Variants in SENP7 observed in about 807,000 individuals in gnomAD.
SENP7 encodes SUMO specific peptidase 7.
A neutral mutation model predicts 141.2 loss-of-function variants in SENP7; 64 were observed. That is an observed-to-expected ratio of 0.45 (90% CI 0.37 to 0.56). The LOEUF (loss-of-function observed/expected upper bound fraction) is 0.56, where lower values mean the gene tolerates loss of function less well. Among genes scored for constraint, SENP7 ranks in the 20% least tolerant of loss-of-function variants. The pLI, the probability that SENP7 is intolerant of heterozygous loss-of-function variation, is 0.00. For missense variants in SENP7, 1,025 were observed against 1,212.2 expected, an observed-to-expected ratio of 0.85 and a Z score of 2.29; for synonymous variants, 382 against 426.4, an observed-to-expected ratio of 0.90 and a Z score of 1.28.
At chr3:101,475,012 G>A (rs2064158648) in intron 3 of SENP7, among the ~76,000 whole-genome samples, 1 of 152,166 alleles carries the variant, frequency 6.6e-6, no homozygotes, top group African/African-American at 2.4e-5. Flanking sequence ...AAGTGAAAGT[G>A]AAGGGATGTG....
At chr3:101,427,719 T>C (rs1368154249) in intron 4 of SENP7, among the ~76,000 whole-genome samples, 1 of 152,138 alleles carries the variant, frequency 6.6e-6, no homozygotes, top group African/African-American at 2.4e-5. Flanking sequence ...TATTATACTT[T>C]AAGTTCTGGG....
Position 101,343,866 on chromosome 3 carries a change from T to C in SENP7, c.1926A>G (p.Ile642Met). 1.2e-6 allele frequency: 2 copies of C among 1,613,490 alleles called. No individual in the cohort carries two copies. The highest frequency in any genetic ancestry group is 8.5e-7 in the Non-Finnish European group (1 of 1,179,552). The change falls in exon 14 of 24, where the codon ATA becomes ATG. Residue 642 changes from isoleucine (I) to methionine (M), a missense_variant. By Grantham distance (10) the Ile-to-Met change is conservative. Coordinates refer to ENST00000394095, the MANE Select transcript of SENP7 (RefSeq NM_020654.5). ...ELKLKDIMTE[I>M]SIISGELELS... ...GCTCTAATTCTCCACTGATTATACT[T>C]ATTTCCGTCATAATATCTTTCAGCT...
chr3:101,394,285 T>C lies in SENP7; in HGVS notation c.677+4576A>G, dbSNP rs9882920. Reference sequence around the variant, plus strand: ...TGCTGCACATGACAGGATTTCATTCTTTTTTATGGCTGAATGGTATTCCAT... The same window carrying C: ...TGCTGCACATGACAGGATTTCATTCCTTTTTATGGCTGAATGGTATTCCAT... On this transcript the variant is annotated intron_variant, in intron 6 of 23. Coordinates refer to ENST00000394095, the MANE Select transcript of SENP7 (RefSeq NM_020654.5). Among the ~76,000 whole-genome samples the C allele has an allele frequency of 9.6e-3, 1,460 of 152,098 alleles. 23 individuals are homozygous for C. Among genetic ancestry groups the C allele is most frequent in the African/African-American group, 0.033 (1,384 of 41,474 alleles).
chr3:101,502,712 C>T (rs983772307), intron 1 of SENP7, among the ~76,000 whole-genome samples: 61 of 151,988 alleles, frequency 4.0e-4, no homozygotes, highest in Non-Finnish European at 1.5e-4. Context: ...CCCAGGAGTT[C>T]GAGACCAGCC....
intron 16 of SENP7, among the ~76,000 whole-genome samples, 184 bp from the exon 17 acceptor site, chr3:101,337,815 A>G (rs1043091425): frequency 5.9e-5 from 9 of 152,234 alleles, no homozygotes; most frequent in African/African-American, 2.2e-4. Context: ...TGTAAAGCAG[A>G]AATTACCCAC....
At chr3:101,492,169 G>A (rs542122633) in intron 3 of SENP7, among the ~76,000 whole-genome samples, 53 of 152,170 alleles carry the variant, frequency 3.5e-4, no homozygotes, top group African/African-American at 1.2e-3. Context: ...AGGCTGAGGT[G>A]GGAGGTTCAC....
intron 2 of SENP7, among the ~76,000 whole-genome samples, chr3:101,496,273 C>T (rs1231347911): frequency 2.6e-5 from 4 of 151,968 alleles, no homozygotes; most frequent in East Asian, 3.9e-4. Flanking sequence ...TTTATTTATT[C>T]GAGACAGGGT....
chr3:101,479,078 A>C (rs2064341846), intron 3 of SENP7, among the ~76,000 whole-genome samples: 1 of 152,216 alleles, frequency 6.6e-6, no homozygotes, highest in Non-Finnish European at 1.5e-5. Context: ...ATATATTACA[A>C]ATCCACAGCT....
intron 4 of SENP7, among the ~76,000 whole-genome samples, chr3:101,440,705 AAGAC>A (rs879754502): frequency 6.6e-5 from 10 of 152,212 alleles, no homozygotes; most frequent in African/African-American, 9.6e-5. Flanking sequence ...AAACCAGAAA[AAGAC>A]AGCACAAGAA....
At position 101,347,885 on chromosome 3, in the gene SENP7, T is replaced by G. The variant is rs2059509540; in HGVS notation, c.1824A>C (p.Val608=). The G allele has an allele frequency of 6.4e-7, 1 of 1,567,974 alleles. No homozygotes were observed. Among genetic ancestry groups the G allele is most frequent in the Non-Finnish European group, 8.7e-7 (1 of 1,153,852 alleles). The change falls in exon 13 of 24, where the codon GTA becomes GTC. Residue 608 remains valine, a synonymous_variant. Coordinates refer to ENST00000394095, the MANE Select transcript of SENP7 (RefSeq NM_020654.5). ...TTTTATACTCACATTGCTGGCTTAA[T>G]ACAGAGTGTTCTAATTGGGTCTGAA... is the stretch of plus-strand genomic sequence containing the variant. The part of the protein sequence containing the change: ...QEIQTQLEHS[V]LSQQSKSSEF...
At chr3:101,426,412 A>T (rs962556997) in intron 4 of SENP7, among the ~76,000 whole-genome samples, 1 of 152,234 alleles carries the variant, frequency 6.6e-6, no homozygotes, top group Non-Finnish European at 1.5e-5. Flanking sequence ...CAATGTTCTT[A>T]AAGAAAATAA....
At chr3:101,465,530 G>A (rs980794887) in intron 3 of SENP7, among the ~76,000 whole-genome samples, 2 of 152,204 alleles carry the variant, frequency 1.3e-5, no homozygotes, top group African/African-American at 4.8e-5. Context: ...CTTAGGAACT[G>A]TGACACTGCT....
chr3:101,403,038 C>T (rs1375250088), intron 5 of SENP7, among the ~76,000 whole-genome samples: 1 of 152,188 alleles, frequency 6.6e-6, no homozygotes, highest in Non-Finnish European at 1.5e-5. Context: ...ATTCATCATT[C>T]TAGATGCCTC....
Position 101,340,409 on chromosome 3 carries a change from T to C in SENP7, c.2241-198A>G, listed in dbSNP as rs2059299925. 8.4e-6 allele frequency: 5 copies of C among 598,602 alleles called. No individual in the cohort carries two copies. The South Asian group carries it at 1.3e-4, about 16-fold the overall frequency. The allele number at this position is 598,602 out of a possible 1,614,324, so 37.1% of individuals were successfully genotyped here. Reference sequence around the variant, plus strand: ...CTACTAATGGTACTCCGATTGAGTATTATCTTTTCTTTTCCAATACTTCCC... The same window carrying C: ...CTACTAATGGTACTCCGATTGAGTACTATCTTTTCTTTTCCAATACTTCCC... On this transcript the variant is annotated intron_variant, in intron 15 of 23. Transcript: ENST00000394095.
intron 3 of SENP7, among the ~76,000 whole-genome samples, chr3:101,476,508 T>C (rs2064224741): frequency 1.3e-5 from 2 of 152,246 alleles, no homozygotes; most frequent in Non-Finnish European, 2.9e-5. Context: ...TTGATGGGCA[T>C]TTGGGTTGGT....
At chr3:101,445,416 A>T (rs2062851677) in intron 4 of SENP7, among the ~76,000 whole-genome samples, 1 of 152,184 alleles carries the variant, frequency 6.6e-6, no homozygotes. Context: ...AGCAGACACA[A>T]ATGAGAGAGA....
intron 3 of SENP7, among the ~76,000 whole-genome samples, chr3:101,470,623 T>G (rs535977107): frequency 1.1e-4 from 16 of 152,070 alleles, no homozygotes; most frequent in Non-Finnish European, 2.1e-4. Flanking sequence ...CCACTCCTAT[T>G]CAACATAGTA....
chr3:101,422,076 G>A (rs1051560082), intron 4 of SENP7, among the ~76,000 whole-genome samples: 1 of 152,158 alleles, frequency 6.6e-6, no homozygotes, highest in Non-Finnish European at 1.5e-5. Context: ...ATTACCGCCT[G>A]AGCTCTGCCT....
chr3:101,341,562 A>G, intron 15 of SENP7, 84 bp downstream of exon 15: 2 of 1,210,142 alleles, frequency 1.7e-6, no homozygotes. Flanking sequence ...AAACATTTCA[A>G]AAGTTAAACT....
Sources: gnomAD v4.1 joint callset for allele counts (sites outside exome capture counted in the v4.1 genomes callset) on GRCh38, gnomAD v4.1.1 for gene constraint, MANE v1.5 for transcripts, NCBI Gene and HGNC (gene_info 2026-07-23, HGNC 2026-07-21) for gene names.